SETDB2: variants seen among roughly 807,000 people sequenced by gnomAD.
SETDB2 encodes histone-lysine N-methyltransferase SETDB2.
In SETDB2, 56 loss-of-function variants were observed where a neutral mutation model predicts 82.5. The observed-to-expected ratio is 0.68, with a 90% CI of 0.55 to 0.85. The LOEUF is 0.85. Ranked by LOEUF, SETDB2 falls within the 40% of genes least tolerant of loss-of-function variation. SETDB2 has a pLI of 0.00. For synonymous variants in SETDB2, 272 were observed against 284.9 expected (o/e 0.95, Z 0.46); for missense variants, 677 against 816.4 (o/e 0.83, Z 2.08).
intron 11 of SETDB2, among the ~76,000 whole-genome samples, chr13:49,487,949 TAAAG>T (rs1311897061): frequency 6.6e-6 from 1 of 152,156 alleles, no homozygotes; most frequent in African/African-American, 2.4e-5. Context: ...ATTCCAGAAT[TAAAG>T]AGAAGAAAGT....
chr13:49,466,399 G>A (rs1039104824), intron 4 of SETDB2, among the ~76,000 whole-genome samples: 4 of 150,612 alleles, frequency 2.7e-5, no homozygotes, highest in Non-Finnish European at 5.9e-5. Context: ...TCACATCAAC[G>A]TACTCCAGCC....
rs1334123181 is a variant in SETDB2, at chr13:49,471,942, T to A, written c.305+3982T>A. ...TATATATATATATATATATTTTTTTTTTTTTTTAAATAGAGACAGGGTCTA... is the reference window on the plus strand; with the variant it reads ...TATATATATATATATATATTTTTTTATTTTTTTAAATAGAGACAGGGTCTA... On this transcript the variant is annotated intron_variant, in intron 5 of 13. Transcript: ENST00000611815. Among the ~76,000 whole-genome samples the A allele has an allele frequency of 2.7e-3, 249 of 92,128 alleles. 1 individual carries two copies. Among genetic ancestry groups the A allele is most frequent in the African/African-American group, 4.1e-3 (124 of 30,608 alleles). 60.4% of individuals were successfully genotyped at this position (92,128 alleles called of 152,430 possible).
rs1958636539 is a variant in SETDB2 at position 49,488,314 on chromosome 13, A to G, written c.1601A>G (p.Asp534Gly). Residue 534 changes from aspartate to glycine, a missense_variant, in exon 12 of 14, where the codon GAT becomes GGT. Physicochemically the swap from Asp to Gly is moderately conservative, Grantham distance 94 (BLOSUM62 -1). Transcript: ENST00000611815. The stretch of plus-strand genomic sequence containing the variant: ...GAGGACTCAAGTTCAAACCATGTTG[A>G]TGAGTTTGAAGATAATCTGCTGATT... ...AQKDSSSNHV[D>G]EFEDNLLIES... 2.5e-6 allele frequency: 4 copies of G among 1,592,466 alleles called. No individual in the cohort carries two copies. The highest frequency in any genetic ancestry group is 1.2e-5 in the South Asian group (1 of 86,304).
At chr13:49,471,146 T>TC (rs1958232602) in intron 5 of SETDB2, among the ~76,000 whole-genome samples, 1 of 38,114 alleles carries the variant, frequency 2.6e-5, no homozygotes, top group Non-Finnish European at 7.3e-5. Flanking sequence ...ATTTTTAACA[T>TC]TTTTTTTTTT....
intron 10 of SETDB2, 63 bp from the exon 11 acceptor site, chr13:49,485,567 G>A: frequency 7.9e-7 from 1 of 1,261,972 alleles, no homozygotes; most frequent in African/African-American, 1.5e-5. Flanking sequence ...GATGAAAGAG[G>A]CCTAACTGCT....
intron 1 of SETDB2, among the ~76,000 whole-genome samples, chr13:49,446,132 T>G (rs1594120460): frequency 6.6e-6 from 1 of 151,976 alleles, no homozygotes; most frequent in Non-Finnish European, 1.5e-5. Flanking sequence ...TGGAAGAGAG[T>G]TTGACAATAT....
intron 5 of SETDB2, among the ~76,000 whole-genome samples, chr13:49,472,945 T>C (rs1432110885): frequency 1.3e-5 from 2 of 152,212 alleles, no homozygotes; most frequent in East Asian, 3.8e-4. Flanking sequence ...GAAATGTAAA[T>C]TCCAAATTAC....
intron 6 of SETDB2, among the ~76,000 whole-genome samples, chr13:49,478,711 G>C (rs1958420081): frequency 6.6e-6 from 1 of 152,126 alleles, no homozygotes; most frequent in Non-Finnish European, 1.5e-5. Flanking sequence ...AACATCATTT[G>C]AGCCCAGGAG....
chr13:49,480,911 A>T, intron 7 of SETDB2, 36 bp from the exon 8 acceptor site: 1 of 1,608,742 alleles, frequency 6.2e-7, no homozygotes, highest in South Asian at 1.1e-5. Flanking sequence ...GCTTTTTGAG[A>T]TGTCTGATTT....
intron 1 of SETDB2, among the ~76,000 whole-genome samples, chr13:49,447,257 TTGCTA>T (rs1368106743): frequency 2.3e-4 from 35 of 152,162 alleles, no homozygotes; most frequent in Admixed American, 6.5e-4. Flanking sequence ...CTCCTTTTTG[TTGCTA>T]TTGTTAAAAT....
chr13:49,450,881 T>G (rs1408003960), intron 1 of SETDB2, among the ~76,000 whole-genome samples: 1 of 151,534 alleles, frequency 6.6e-6, no homozygotes, highest in African/African-American at 2.4e-5. Flanking sequence ...TTAGCATTAT[T>G]TATTATACTA....
intron 2 of SETDB2, among the ~76,000 whole-genome samples, chr13:49,453,382 T>C (rs1027261776): frequency 6.6e-6 from 1 of 151,864 alleles, no homozygotes; most frequent in Non-Finnish European, 1.5e-5. Flanking sequence ...CTGCAACCTC[T>C]GCCTCCTGGG....
chr13:49,483,082 G>A, intron 9 of SETDB2, 120 bp downstream of exon 9: 1 of 681,450 alleles, frequency 1.5e-6, no homozygotes, highest in Non-Finnish European at 2.5e-6. Context: ...CTTCAAAGTT[G>A]TTAAGTCTAA....
chr13:49,491,698 A>AT (rs763196191), intron 13 of SETDB2, 34 bp from the exon 14 acceptor site: 2 of 1,470,062 alleles, frequency 1.4e-6, no homozygotes. Flanking sequence ...TATTTAGGGT[A>AT]TTTTATGATT....
intron 10 of SETDB2, 46 bp downstream of exon 10, chr13:49,483,609 A>ATTTTTTTTTTTTTTTTTTTTTT (rs745508872): frequency 4.9e-6 from 1 of 205,662 alleles, no homozygotes; most frequent in Non-Finnish European, 8.5e-6. Flanking sequence ...TCTTTTTTAA[A>ATTTTTTTTTTTTTTTTTTTTTT]TTTTTTTTTT....
chr13:49,465,021 A>C (rs1398097630), intron 4 of SETDB2, among the ~76,000 whole-genome samples: 1 of 151,978 alleles, frequency 6.6e-6, no homozygotes, highest in Non-Finnish European at 1.5e-5. Flanking sequence ...AGCTGGGATC[A>C]CACTACTGTA....
intron 1 of SETDB2, among the ~76,000 whole-genome samples, chr13:49,447,907 A>G (rs958341692): frequency 9.2e-5 from 14 of 151,916 alleles, no homozygotes; most frequent in African/African-American, 2.9e-4. Context: ...TGTATATGAT[A>G]AAAATTAGCC....
At chr13:49,453,397 A>T (rs1957819087) in intron 2 of SETDB2, among the ~76,000 whole-genome samples, 1 of 151,790 alleles carries the variant, frequency 6.6e-6, no homozygotes, top group African/African-American at 2.4e-5. Context: ...CCTGGGTTCA[A>T]GCAATTCTCT....
At position 49,494,666 on chromosome 13, in the gene SETDB2, C is replaced by A. The variant is rs1373870866; in HGVS notation, c.*2817C>A. The A allele has an allele frequency of 0.023, 3 of 132 alleles. No homozygotes were observed. The highest frequency in any genetic ancestry group is 0.033 in the Non-Finnish European group (1 of 30). 0.0% of individuals were successfully genotyped at this position (132 alleles called of 1,614,324 possible). A position where few individuals can be genotyped will look rare whatever the true frequency, so the allele number is the denominator to read the frequency against. On this transcript the variant is annotated 3_prime_UTR_variant, in exon 14 of 14. Transcript: ENST00000611815. The stretch of plus-strand genomic sequence containing the variant: ...CAAAAAAAAATTTAAAAATTGGCTG[C>A]TAGGGTCTGTCTGCTCACTTCCCTG...
Sources: allele counts gnomAD v4.1 joint callset (sites outside exome capture counted in the v4.1 genomes callset), GRCh38; gene constraint gnomAD v4.1.1; transcripts MANE v1.5; gene names NCBI Gene and HGNC (gene_info 2026-07-23, HGNC 2026-07-21).